ATRNL1: variants seen among roughly 807,000 people sequenced by gnomAD.
ATRNL1 encodes attractin like 1.
ATRNL1 carries 95 observed loss-of-function variants against 182.7 expected under a neutral mutation model. The ratio of observed to expected loss-of-function variants is 0.52; its 90% CI spans 0.44 to 0.62. The LOEUF (loss-of-function observed/expected upper bound fraction) is 0.62, where lower values mean the gene tolerates loss of function less well. ATRNL1 is among the 20% of genes least tolerant of loss of function. The pLI is 0.00. For synonymous variants in ATRNL1, 576 were observed against 568.3 expected (o/e 1.01, Z -0.19); for missense variants, 1,471 against 1,679.5 (o/e 0.88, Z 2.17).
Position 115,944,734 on chromosome 10 carries a change from C to T in ATRNL1, c.4095C>T (p.Val1365=), listed in dbSNP as rs1555125075. 6.2e-7 allele frequency: 1 copy of T among 1,613,678 alleles called. No homozygotes were observed. The highest frequency in any genetic ancestry group is 1.1e-5 in the South Asian group (1 of 90,994). The change falls in exon 29 of 29, where the codon GTC becomes GTT. Residue 1365 remains valine, a synonymous_variant. Coordinates refer to ENST00000355044, the MANE Select transcript of ATRNL1 (RefSeq NM_207303.4). ...ATAGTAAAGATAAGACTTCTGGAGT[C>T]CGGAATCGAAAACACCTTTCAACAC... is the stretch of plus-strand genomic sequence containing the variant. The part of the protein sequence containing the change: ...ASDSKDKTSG[V]RNRKHLSTRQ...
intron 14 of ATRNL1, among the ~76,000 whole-genome samples, chr10:115,283,826 C>T (rs1416744663): frequency 6.6e-6 from 1 of 152,184 alleles, no homozygotes; most frequent in African/African-American, 2.4e-5. Context: ...TGGTAGTACT[C>T]ATCTACTCAT....
At chr10:115,891,663 A>G (rs797034271) in intron 28 of ATRNL1, among the ~76,000 whole-genome samples, 2 of 152,246 alleles carry the variant, frequency 1.3e-5, no homozygotes, top group South Asian at 4.2e-4. Context: ...ATACTAGATC[A>G]CTTAGTTCCT....
At chr10:115,200,842 C>T (rs1265559357) in intron 8 of ATRNL1, among the ~76,000 whole-genome samples, 5 of 147,806 alleles carry the variant, frequency 3.4e-5, no homozygotes, top group Admixed American at 1.4e-4. Flanking sequence ...ACAGTCCCAC[C>T]AACAGTGTAA....
chr10:115,166,484 A>G (rs1847048489), intron 7 of ATRNL1, among the ~76,000 whole-genome samples: 1 of 150,900 alleles, frequency 6.6e-6, no homozygotes, highest in African/African-American at 2.4e-5. Flanking sequence ...GCACTGCCAT[A>G]GTGTTTTCCA....
chr10:115,641,272 C>G (rs1448869134), intron 26 of ATRNL1, among the ~76,000 whole-genome samples: 1 of 152,152 alleles, frequency 6.6e-6, no homozygotes, highest in African/African-American at 2.4e-5. Flanking sequence ...AGCTTCCTTT[C>G]TAAGTCTGAT....
chr10:115,133,700 A>G (rs1554875818), intron 5 of ATRNL1, among the ~76,000 whole-genome samples: 1 of 152,200 alleles, frequency 6.6e-6, no homozygotes, highest in African/African-American at 2.4e-5. Context: ...AGCGGACCTA[A>G]TAGACATCTA....
chr10:115,228,884 G>A (rs1554899309), intron 9 of ATRNL1, among the ~76,000 whole-genome samples: 1 of 150,930 alleles, frequency 6.6e-6, no homozygotes, highest in Non-Finnish European at 1.5e-5. Context: ...TCTTGCCTTG[G>A]CCTCCTGAGT....
At chr10:115,308,063 T>C (rs2133994314) in intron 17 of ATRNL1, among the ~76,000 whole-genome samples, 1 of 152,300 alleles carries the variant, frequency 6.6e-6, no homozygotes, top group East Asian at 1.9e-4. Context: ...TCATTTGAGG[T>C]TTACTGGTAA....
chr10:115,784,773 C>A (rs1285187206), intron 27 of ATRNL1, among the ~76,000 whole-genome samples: 1 of 152,130 alleles, frequency 6.6e-6, no homozygotes, highest in Non-Finnish European at 1.5e-5. Flanking sequence ...ACATGGCCTT[C>A]TTATAAAGAT....
At chr10:115,824,877 A>T (rs1239530902) in intron 27 of ATRNL1, among the ~76,000 whole-genome samples, 2 of 152,200 alleles carry the variant, frequency 1.3e-5, no homozygotes, top group Non-Finnish European at 2.9e-5. Context: ...AGAATCAGCA[A>T]TCTCATTACT....
At chr10:115,782,941 T>A (rs2134193142) in intron 27 of ATRNL1, among the ~76,000 whole-genome samples, 1 of 152,306 alleles carries the variant, frequency 6.6e-6, no homozygotes, top group South Asian at 2.1e-4. Context: ...AATATATTTG[T>A]TAGGAGCATT....
intron 13 of ATRNL1, among the ~76,000 whole-genome samples, chr10:115,272,312 T>G (rs989679878): frequency 1.3e-5 from 2 of 152,196 alleles, no homozygotes; most frequent in South Asian, 2.1e-4. Context: ...TCTAGACATA[T>G]TCTTCCTAGC....
Position 115,116,121 on chromosome 10 carries a change from G to A in ATRNL1, c.294-4064G>A, listed in dbSNP as rs189967060. On this transcript the variant is annotated intron_variant, in intron 1 of 28. Transcript: ENST00000355044. ...GTTGCCAGTACTCAACTCTGTCCTC[G>A]TAGTGTGTTAGCAATCTTAGATAAT... Among the ~76,000 whole-genome samples the A allele has an allele frequency of 1.6e-4, 25 of 152,152 alleles. No homozygotes were observed. The East Asian group carries it at 3.5e-3, about 21-fold the overall frequency.
intron 17 of ATRNL1, among the ~76,000 whole-genome samples, chr10:115,314,074 G>C (rs1854172149): frequency 6.6e-6 from 1 of 152,122 alleles, no homozygotes; most frequent in Non-Finnish European, 1.5e-5. Flanking sequence ...ATTTAGCGCT[G>C]TGTACTGTTG....
intron 25 of ATRNL1, among the ~76,000 whole-genome samples, chr10:115,527,927 C>CCTCCTTCCTT (rs371142489): frequency 0.012 from 1,293 of 111,332 alleles, 39 homozygotes; most frequent in Non-Finnish European, 0.02. Context: ...TCCCTTCCTC[C>CCTCCTTCCTT]CTCCTTCCTT....
At chr10:115,727,214 T>C (rs781828597) in intron 26 of ATRNL1, 34 bp from the exon 27 acceptor site, 7 of 1,473,208 alleles carry the variant, frequency 4.8e-6, no homozygotes, top group Non-Finnish European at 5.7e-6. Flanking sequence ...CTTTTAAACC[T>C]ATTTTAAGAT....
chr10:115,425,808 G>A (rs1845859696), intron 20 of ATRNL1, among the ~76,000 whole-genome samples: 2 of 151,958 alleles, frequency 1.3e-5, no homozygotes, highest in Non-Finnish European at 2.9e-5. Flanking sequence ...TTTAACTGGT[G>A]TAGAAAATAT....
At chr10:115,615,271 A>G (rs1217179451) in intron 26 of ATRNL1, among the ~76,000 whole-genome samples, 1 of 150,584 alleles carries the variant, frequency 6.6e-6, no homozygotes, top group East Asian at 1.9e-4. Flanking sequence ...GGATTTTTAA[A>G]TAATATCTTG....
At chr10:115,858,126 AG>A (rs1555102544) in intron 28 of ATRNL1, among the ~76,000 whole-genome samples, 1 of 152,230 alleles carries the variant, frequency 6.6e-6, no homozygotes, top group African/African-American at 2.4e-5. Context: ...TGTGAAAGAC[AG>A]TATGGTAATT....
Sources: allele counts gnomAD v4.1 joint callset (sites outside exome capture counted in the v4.1 genomes callset), GRCh38; gene constraint gnomAD v4.1.1; transcripts MANE v1.5; gene names NCBI Gene and HGNC (gene_info 2026-07-23, HGNC 2026-07-21).